The following CAAP1 variants were observed in gnomAD, a reference collection of about 807,000 sequenced individuals.
CAAP1 encodes caspase activity and apoptosis inhibitor 1.
Under a neutral mutation model 34.0 loss-of-function variants are expected in CAAP1, and 20 were observed. The observed-to-expected ratio is 0.59, with a 90% CI of 0.41 to 0.86. The LOEUF is 0.86. Ranked by LOEUF, CAAP1 falls within the 40% of genes least tolerant of loss-of-function variation. The probability of loss-of-function intolerance (pLI) is 0.00; values close to 1 mark genes in which losing one functional copy is unlikely to be tolerated. For missense variants in CAAP1, 538 were observed against 450.5 expected (o/e 1.19, Z -1.76); for synonymous variants, 213 against 166.7 (o/e 1.28, Z -2.14).
chr9:26,868,814 G>A (rs185832466), intron 4 of CAAP1, among the ~76,000 whole-genome samples: 4 of 152,200 alleles, frequency 2.6e-5, no homozygotes, highest in East Asian at 1.9e-4. Flanking sequence ...GAAGGTGGAC[G>A]CAGTTTTACA....
At chr9:26,865,910 G>A (rs375264399) in intron 4 of CAAP1, among the ~76,000 whole-genome samples, 1 of 152,092 alleles carries the variant, frequency 6.6e-6, no homozygotes, top group Non-Finnish European at 1.5e-5. Flanking sequence ...GTAGTGGCAC[G>A]ATCTCAGCTC....
intron 1 of CAAP1, among the ~76,000 whole-genome samples, chr9:26,889,744 T>G (rs183823647): frequency 6.6e-6 from 1 of 151,568 alleles, no homozygotes; most frequent in Admixed American, 6.6e-5. Context: ...GGCAGAGGCC[T>G]GTTGCCCCAG....
intron 4 of CAAP1, among the ~76,000 whole-genome samples, chr9:26,871,850 G>A (rs1823283613): frequency 1.3e-5 from 2 of 151,732 alleles, no homozygotes; most frequent in South Asian, 4.2e-4. Flanking sequence ...GGAGGCGGAG[G>A]TTGCAGTGAG....
intron 5 of CAAP1, among the ~76,000 whole-genome samples, chr9:26,846,625 C>T (rs1822615366): frequency 6.6e-6 from 1 of 151,636 alleles, no homozygotes; most frequent in Non-Finnish European, 1.5e-5. Context: ...ACGCTTTTTA[C>T]AGTTCATTCT....
chr9:26,890,912 TCCGG>T (rs1401214400), intron 1 of CAAP1, among the ~76,000 whole-genome samples: 1 of 150,308 alleles, frequency 6.7e-6, no homozygotes, highest in Non-Finnish European at 1.5e-5. Flanking sequence ...GCCACTGCAC[TCCGG>T]CCTGGGCAAC....
At chr9:26,878,512 G>A (rs1431003774) in intron 4 of CAAP1, among the ~76,000 whole-genome samples, 1 of 152,140 alleles carries the variant, frequency 6.6e-6, no homozygotes, top group African/African-American at 2.4e-5. Flanking sequence ...TCAGAGACAG[G>A]AAACAGCTGG....
Position 26,887,306 on chromosome 9 carries a change from G to A in CAAP1, c.504+7C>T. On this transcript the variant is annotated splice_region_variant and intron_variant, in intron 2 of 5. Coordinates refer to ENST00000333916, the MANE Select transcript of CAAP1 (RefSeq NM_024828.4). ...ATATGTATCTAGTCTGATGTGTAAT[G>A]AAGTACCTTTAACACATCAGGAAGC... The A allele has an allele frequency of 6.5e-7, 1 of 1,542,004 alleles. No homozygotes were observed. Among genetic ancestry groups the A allele is most frequent in the Non-Finnish European group, 8.8e-7 (1 of 1,134,294 alleles).
At chr9:26,874,783 G>C (rs1823385004) in intron 4 of CAAP1, among the ~76,000 whole-genome samples, 1 of 152,210 alleles carries the variant, frequency 6.6e-6, no homozygotes, top group Admixed American at 6.5e-5. Flanking sequence ...TTAAGGTATG[G>C]TAAGAGTAGG....
At chr9:26,865,341 T>C (rs1462074852) in intron 4 of CAAP1, among the ~76,000 whole-genome samples, 1 of 151,918 alleles carries the variant, frequency 6.6e-6, no homozygotes, top group Non-Finnish European at 1.5e-5. Flanking sequence ...CTGACCAACA[T>C]GGAGAAACCC....
chr9:26,856,136 G>GGC (rs971954206), intron 5 of CAAP1, among the ~76,000 whole-genome samples: 1 of 150,744 alleles, frequency 6.6e-6, no homozygotes, highest in Non-Finnish European at 1.5e-5. Context: ...AAAGGGGGGG[G>GGC]GTAGAATTTG....
At chr9:26,874,961 T>C (rs920465154) in intron 4 of CAAP1, among the ~76,000 whole-genome samples, 1 of 152,192 alleles carries the variant, frequency 6.6e-6, no homozygotes, top group Non-Finnish European at 1.5e-5. Context: ...TAAACACTTG[T>C]GCATAATTCT....
chr9:26,870,336 C>T (rs1459200445), intron 4 of CAAP1, among the ~76,000 whole-genome samples: 1 of 151,862 alleles, frequency 6.6e-6, no homozygotes, highest in Non-Finnish European at 1.5e-5. Context: ...ATGGAAGGGA[C>T]ACAGTGAGTG....
At chr9:26,853,276 A>G (rs1170788017) in intron 5 of CAAP1, among the ~76,000 whole-genome samples, 1 of 152,202 alleles carries the variant, frequency 6.6e-6, no homozygotes, top group Non-Finnish European at 1.5e-5. Flanking sequence ...GCTATTTATT[A>G]AGACGAGATG....
At chr9:26,852,116 G>A (rs970174446) in intron 5 of CAAP1, among the ~76,000 whole-genome samples, 4 of 143,192 alleles carry the variant, frequency 2.8e-5, no homozygotes, top group Non-Finnish European at 4.5e-5. Context: ...CTGGAGTGCA[G>A]TGGCCCAATC....
chr9:26,849,208 CT>C (rs1485772445), intron 5 of CAAP1, among the ~76,000 whole-genome samples: 3 of 152,134 alleles, frequency 2.0e-5, no homozygotes, highest in Non-Finnish European at 4.4e-5. Flanking sequence ...TGATAAAGCC[CT>C]TTTTTTCCCT....
chr9:26,869,253 CAGAT>C (rs1028922993), intron 4 of CAAP1, among the ~76,000 whole-genome samples: 4 of 151,934 alleles, frequency 2.6e-5, no homozygotes, highest in Admixed American at 2.6e-4. Context: ...TTATTTAACT[CAGAT>C]AGAAAATGTC....
At chr9:26,857,771 T>C (rs771738948) in intron 5 of CAAP1, among the ~76,000 whole-genome samples, 1 of 152,238 alleles carries the variant, frequency 6.6e-6, no homozygotes, top group African/African-American at 2.4e-5. Context: ...TATTAGCTCA[T>C]TATTAAAGTG....
chr9:26,884,576 G>C (rs1680160775), intron 4 of CAAP1, among the ~76,000 whole-genome samples: 1 of 152,126 alleles, frequency 6.6e-6, no homozygotes, highest in Non-Finnish European at 1.5e-5. Context: ...CACTGCTATT[G>C]TTCTGTATCT....
At chr9:26,871,481 G>C (rs904916490) in intron 4 of CAAP1, among the ~76,000 whole-genome samples, 34 of 151,802 alleles carry the variant, frequency 2.2e-4, no homozygotes, top group African/African-American at 8.0e-4. Flanking sequence ...GGAGGCTGAG[G>C]CAGGATAATC....
Sources: gnomAD v4.1 joint callset for allele counts (sites outside exome capture counted in the v4.1 genomes callset) on GRCh38, gnomAD v4.1.1 for gene constraint, MANE v1.5 for transcripts, NCBI Gene and HGNC (gene_info 2026-07-23, HGNC 2026-07-21) for gene names.